FGF13: variants seen among roughly 807,000 people sequenced by gnomAD.
The protein encoded by FGF13 is fibroblast growth factor homologous factor 2.
In FGF13, 2 loss-of-function variants were observed where a neutral mutation model predicts 19.5. That is an observed-to-expected ratio of 0.10 (90% CI 0.04 to 0.32). The LOEUF (loss-of-function observed/expected upper bound fraction) is 0.32, where lower values mean the gene tolerates loss of function less well. Among genes scored for constraint, FGF13 ranks in the 10% least tolerant of loss-of-function variants. The pLI is 1.00. For missense variants in FGF13, 113 were observed against 192.7 expected, an observed-to-expected ratio of 0.59 and a Z score of 2.45; for synonymous variants, 72 against 76.9, an observed-to-expected ratio of 0.94 and a Z score of 0.33.
chrX:138,922,324 C>T (rs1343623285), intron 1 of FGF13, among the ~76,000 whole-genome samples: 1 of 111,592 alleles, frequency 9.0e-6, no homozygotes, highest in Admixed American at 9.5e-5. Flanking sequence ...AGGCTTATAT[C>T]CGAAATCAAA....
At chrX:138,634,618 T>C in intron 4 of FGF13, among the ~76,000 whole-genome samples, 1 of 112,987 alleles carries the variant, frequency 8.9e-6, no homozygotes. Flanking sequence ...AAAAGTATTA[T>C]TAAGGACTGC....
At chrX:139,144,205 G>T (rs775566722) in intron 1 of FGF13, among the ~76,000 whole-genome samples, 1 of 111,608 alleles carries the variant, frequency 9.0e-6, no homozygotes, top group Non-Finnish European at 1.9e-5. Context: ...CATTGAGCAG[G>T]GAAGCCTGAA....
chrX:138,937,711 T>A (rs1222372079), intron 1 of FGF13, among the ~76,000 whole-genome samples: 1 of 112,170 alleles, frequency 8.9e-6, no homozygotes, highest in Non-Finnish European at 1.9e-5. Context: ...CTTTTAATAT[T>A]TGTGGAAAGA....
intron 1 of FGF13, among the ~76,000 whole-genome samples, chrX:139,089,647 C>T (rs2083427210): frequency 9.0e-6 from 1 of 111,712 alleles, no homozygotes; most frequent in African/African-American, 3.3e-5. Flanking sequence ...CCTGGAGCAA[C>T]TATCTGAAAT....
chrX:138,779,932 C>G (rs1323902309), intron 3 of FGF13, among the ~76,000 whole-genome samples: 4 of 104,996 alleles, frequency 3.8e-5, no homozygotes, highest in African/African-American at 1.4e-4. Flanking sequence ...GGGTTACCCT[C>G]AAAGGGAAGC....
upstream of FGF13, chrX:139,204,786 C>T (rs1603239123): frequency 8.9e-6 from 1 of 112,985 alleles, no homozygotes; most frequent in Admixed American, 9.2e-5. Flanking sequence ...CAGCTTCTCG[C>T]CCGCGGGGAA....
At chrX:139,171,311 TC>T (rs1208683552) in intron 1 of FGF13, among the ~76,000 whole-genome samples, 1 of 112,354 alleles carries the variant, frequency 8.9e-6, no homozygotes, top group Non-Finnish European at 1.9e-5. Flanking sequence ...TACTTTTTTT[TC>T]CTTTTGCCTC....
intron 3 of FGF13, among the ~76,000 whole-genome samples, chrX:138,796,712 C>A (rs1315837267): frequency 9.0e-6 from 1 of 111,616 alleles, no homozygotes; most frequent in Non-Finnish European, 1.9e-5. Flanking sequence ...TGCATCCTCG[C>A]CAGGATCTGT....
chrX:138,905,727 GT>G (rs1314786745), intron 1 of FGF13, among the ~76,000 whole-genome samples: 10 of 112,381 alleles, frequency 8.9e-5, no homozygotes, highest in Non-Finnish European at 1.7e-4. Flanking sequence ...AACACTTTAA[GT>G]TGGGAAACGT....
intron 1 of FGF13, among the ~76,000 whole-genome samples, chrX:138,949,977 A>T (rs1054626582): frequency 1.8e-5 from 2 of 111,888 alleles, no homozygotes; most frequent in Non-Finnish European, 3.8e-5. Flanking sequence ...CAGTGGTAGC[A>T]TTAGCAGAAA....
At chrX:139,195,213 G>A (rs1262975809) in intron 1 of FGF13, among the ~76,000 whole-genome samples, 1 of 111,478 alleles carries the variant, frequency 9.0e-6, no homozygotes, top group East Asian at 2.8e-4. Flanking sequence ...AATGTTCCCC[G>A]GAATGAGAGC....
intron 3 of FGF13, among the ~76,000 whole-genome samples, chrX:138,640,942 T>G (rs2089244238): frequency 9.0e-6 from 1 of 111,337 alleles, no homozygotes; most frequent in Admixed American, 9.6e-5. Context: ...TTAACACATT[T>G]CTCTCAAAAA....
At chrX:139,071,432 C>T (rs920915182) in intron 1 of FGF13, among the ~76,000 whole-genome samples, 4 of 111,937 alleles carry the variant, frequency 3.6e-5, no homozygotes, top group African/African-American at 6.5e-5. Context: ...TCTTACAAAA[C>T]GCAAAGATTC....
At chrX:138,897,874 A>G (rs746314971) in intron 1 of FGF13, among the ~76,000 whole-genome samples, 1 of 111,424 alleles carries the variant, frequency 9.0e-6, no homozygotes, top group East Asian at 2.8e-4. Context: ...TATCTCTGTG[A>G]TAAAGGAACC....
At chrX:138,772,018 GTATATATATATATA>G (rs56411673) in intron 3 of FGF13, among the ~76,000 whole-genome samples, 1,846 of 56,510 alleles carry the variant, frequency 0.033, 53 homozygotes, top group African/African-American at 0.09. Flanking sequence ...ATACATATGT[GTATATATATATATA>G]TATATATATA....
intron 1 of FGF13, among the ~76,000 whole-genome samples, chrX:138,709,962 A>G (rs1569370918): frequency 9.0e-6 from 1 of 111,363 alleles, no homozygotes; most frequent in Non-Finnish European, 1.9e-5. Context: ...TTTTTGTAAT[A>G]TTTATCTAGT....
chrX:138,988,140 C>G (rs1273512870), intron 1 of FGF13, among the ~76,000 whole-genome samples: 1 of 111,804 alleles, frequency 8.9e-6, no homozygotes, highest in Non-Finnish European at 1.9e-5. Context: ...CACTCCTTGC[C>G]TAAATCTTGG....
chrX:138,902,607 A>G (rs929840433), intron 1 of FGF13, among the ~76,000 whole-genome samples: 1 of 111,543 alleles, frequency 9.0e-6, no homozygotes, highest in Non-Finnish European at 1.9e-5. Context: ...TTTTTCTATC[A>G]CTGTGATAAC....
intron 1 of FGF13, among the ~76,000 whole-genome samples, chrX:139,115,063 T>G (rs1486398602): frequency 8.9e-6 from 1 of 111,737 alleles, no homozygotes; most frequent in Non-Finnish European, 1.9e-5. Flanking sequence ...ACAGGAGAAG[T>G]AAGGTAGTGG....
Sources: allele counts gnomAD v4.1 joint callset (sites outside exome capture counted in the v4.1 genomes callset), GRCh38; gene constraint gnomAD v4.1.1; transcripts MANE v1.5; gene names NCBI Gene and HGNC (gene_info 2026-07-23, HGNC 2026-07-21).